VSTM2L: variants seen among roughly 807,000 people sequenced by gnomAD.
The protein encoded by VSTM2L is V-set and transmembrane domain containing 2 like.
VSTM2L carries 9 observed loss-of-function variants against 19.9 expected under a neutral mutation model. The ratio of observed to expected loss-of-function variants is 0.45; its 90% CI spans 0.27 to 0.79. The LOEUF is 0.79. Among genes scored for constraint, VSTM2L ranks in the 30% least tolerant of loss-of-function variants. The pLI, the probability that VSTM2L is intolerant of heterozygous loss-of-function variation, is 0.15. For synonymous variants in VSTM2L, 127 were observed against 133.8 expected (o/e 0.95, Z 0.35); for missense variants, 286 against 295.5 (o/e 0.97, Z 0.24).
rs1332852397 is a variant in VSTM2L, at chr20:37,944,820, G to A, written c.*567G>A. 6 of 986,046 alleles carry A rather than the reference G, an allele frequency of 6.1e-6. No homozygotes were observed. The highest frequency in any genetic ancestry group is 1.7e-5 in the African/African-American group (1 of 57,346). 61.1% of individuals were successfully genotyped at this position (986,046 alleles called of 1,614,324 possible). A position where few individuals can be genotyped will look rare whatever the true frequency, so the allele number is the denominator to read the frequency against. ...ACTCATGGAGGCCTAGGGGAACAGC[G>A]AGATGCCCCACCACCTCCTGGCGAG... On this transcript the variant is annotated 3_prime_UTR_variant, in exon 4 of 4. Coordinates refer to ENST00000373461, the MANE Select transcript of VSTM2L (RefSeq NM_080607.3).
At chr20:37,926,792 G>A (rs1182454877) in intron 1 of VSTM2L, among the ~76,000 whole-genome samples, 1 of 152,200 alleles carries the variant, frequency 6.6e-6, no homozygotes, top group Non-Finnish European at 1.5e-5. Flanking sequence ...TCTGAGCCAT[G>A]CGGACATGTG....
chr20:37,922,442 T>C (rs1008765710), intron 1 of VSTM2L, among the ~76,000 whole-genome samples: 6 of 152,158 alleles, frequency 3.9e-5, no homozygotes, highest in African/African-American at 1.4e-4. Context: ...CATCACAGTG[T>C]GATCTAGTGA....
chr20:37,913,811 G>A (rs2072793928), intron 1 of VSTM2L, among the ~76,000 whole-genome samples: 1 of 152,208 alleles, frequency 6.6e-6, no homozygotes, highest in African/African-American at 2.4e-5. Context: ...GGCTGCAGCT[G>A]GAACCTCCAA....
chr20:37,939,277 G>A (rs1215306170), intron 3 of VSTM2L, among the ~76,000 whole-genome samples: 7 of 152,056 alleles, frequency 4.6e-5, no homozygotes, highest in South Asian at 2.1e-4. Context: ...GTGGTGGTGC[G>A]CACCTGTGGC....
At chr20:37,929,754 G>A (rs753998134) in intron 1 of VSTM2L, among the ~76,000 whole-genome samples, 1 of 152,042 alleles carries the variant, frequency 6.6e-6, no homozygotes, top group Non-Finnish European at 1.5e-5. Flanking sequence ...TGGAGGTGTC[G>A]GGAGGCAGGA....
At chr20:37,925,476 A>G (rs1417979845) in intron 1 of VSTM2L, among the ~76,000 whole-genome samples, 1 of 152,082 alleles carries the variant, frequency 6.6e-6, no homozygotes, top group Non-Finnish European at 1.5e-5. Flanking sequence ...CTCCCAGTCC[A>G]ATGCTCCCGG....
intron 1 of VSTM2L, among the ~76,000 whole-genome samples, chr20:37,925,804 G>A (rs577858271): frequency 6.6e-6 from 1 of 152,136 alleles, no homozygotes; most frequent in South Asian, 2.1e-4. Context: ...CAGCTAACTC[G>A]CTTGGCTCCC....
Position 37,944,433 on chromosome 20 carries a change from C to CCCCCCCG in VSTM2L, c.*180_*181insCCCCCCG. Reference sequence around the variant, plus strand: ...CTCAGCATGTAAGCCCCACCCACCCCTGCCCTTTCAGACCCCTGCGGTGAC... The same window carrying CCCCCCCG: ...CTCAGCATGTAAGCCCCACCCACCCCCCCCCCGTGCCCTTTCAGACCCCTGCGGTGAC... On this transcript the variant is annotated 3_prime_UTR_variant, in exon 4 of 4. Coordinates refer to ENST00000373461, the MANE Select transcript of VSTM2L (RefSeq NM_080607.3). The CCCCCCCG allele has an allele frequency of 8.4e-7, 1 of 1,189,382 alleles. No homozygotes were observed. The highest frequency in any genetic ancestry group is 1.1e-6 in the Non-Finnish European group (1 of 919,214). The allele number at this position is 1,189,382 out of a possible 1,614,324, so 73.7% of individuals were successfully genotyped here. A position where few individuals can be genotyped will look rare whatever the true frequency, so the allele number is the denominator to read the frequency against.
intron 1 of VSTM2L, among the ~76,000 whole-genome samples, chr20:37,926,808 G>A (rs999399698): frequency 4.6e-5 from 7 of 152,192 alleles, no homozygotes; most frequent in Non-Finnish European, 5.9e-5. Flanking sequence ...ATGTGATGGG[G>A]GGACCTGAAG....
chr20:37,944,916 C>T lies in VSTM2L; in HGVS notation c.*663C>T, dbSNP rs992043371. ...ATCCAGGATTCTCTGCCCTGTCACA[C>T]GGCGAGTCAGAAGGGAGGGGCCTTT... On this transcript the variant is annotated 3_prime_UTR_variant, in exon 4 of 4. Transcript: ENST00000373461. 28 of 985,760 alleles carry T rather than the reference C, an allele frequency of 2.8e-5. No individual in the cohort carries two copies. The highest frequency in any genetic ancestry group is 9.4e-5 in the South Asian group (2 of 21,282). The allele number at this position is 985,760 out of a possible 1,614,324, so 61.1% of individuals were successfully genotyped here. A position where few individuals can be genotyped will look rare whatever the true frequency, so the allele number is the denominator to read the frequency against.
In VSTM2L at chr20:37,914,917, G is replaced by C. The variant is rs367691311; in HGVS notation, c.121+11446G>C. Among the ~76,000 whole-genome samples the C allele has an allele frequency of 4.6e-5, 7 of 152,312 alleles. No individual in the cohort carries two copies. The East Asian group carries it at 1.2e-3, about 25-fold the overall frequency. On this transcript the variant is annotated intron_variant, in intron 1 of 3. Coordinates refer to ENST00000373461, the MANE Select transcript of VSTM2L (RefSeq NM_080607.3). ...CTCCTTCCTCAGAGCCCCCAGGCTG[G>C]GGCCCGAGGTGGGGAAGGCGGAGAG...
chr20:37,923,286 G>A (rs558939165), intron 1 of VSTM2L, among the ~76,000 whole-genome samples: 1 of 152,290 alleles, frequency 6.6e-6, no homozygotes, highest in South Asian at 2.1e-4. Context: ...TCAAACGGCA[G>A]GCCAGGTCCT....
At position 37,944,861 on chromosome 20, in the gene VSTM2L, T is replaced by A. The variant is rs1003865816; in HGVS notation, c.*608T>A. The stretch of plus-strand genomic sequence containing the variant: ...TCCTGGCGAGTCCTTCCTGTTCAGC[T>A]CCCTGTGCGACCCTCCAGGGATGCA... On this transcript the variant is annotated 3_prime_UTR_variant, in exon 4 of 4. Coordinates refer to ENST00000373461, the MANE Select transcript of VSTM2L (RefSeq NM_080607.3). 1.0e-6 allele frequency: 1 copy of A among 985,930 alleles called. No individual in the cohort carries two copies. Among genetic ancestry groups the A allele is most frequent in the Non-Finnish European group, 1.2e-6 (1 of 830,052 alleles). The allele number at this position is 985,930 out of a possible 1,614,324, so 61.1% of individuals were successfully genotyped here.
intron 1 of VSTM2L, 42 bp downstream of exon 1, chr20:37,903,513 C>T (rs1020600199): frequency 1.4e-6 from 2 of 1,426,132 alleles, no homozygotes; most frequent in Admixed American, 2.8e-5. Flanking sequence ...CCACCAAACC[C>T]CAACCCGGGC....
chr20:37,944,049 A>C lies in VSTM2L; in HGVS notation c.411A>C (p.Glu137Asp), dbSNP rs1196668121. The change falls in exon 4 of 4, where the codon GAA becomes GAC. Residue 137 changes from glutamate to aspartate, a missense_variant. Coordinates refer to ENST00000373461, the MANE Select transcript of VSTM2L (RefSeq NM_080607.3). Reference protein sequence around the residue: ...LRLSRVKPTDEGTYECRVIDF... With the variant: ...LRLSRVKPTDDGTYECRVIDF... The stretch of plus-strand genomic sequence containing the variant: ...TGTCCCGGGTGAAGCCCACGGACGA[A>C]GGCACCTACGAGTGCCGCGTCATCG... 1 of 1,611,200 alleles carries C rather than the reference A, an allele frequency of 6.2e-7. No individual in the cohort carries two copies. Among genetic ancestry groups the C allele is most frequent in the Non-Finnish European group, 8.5e-7 (1 of 1,177,948 alleles).
rs902153260 is a variant in VSTM2L at position 37,926,149 on chromosome 20, C to T, written c.122-5486C>T. 3.9e-5 allele frequency among the ~76,000 whole-genome samples: 6 copies of T among 152,290 alleles called. No individual in the cohort carries two copies. The East Asian group carries it at 1.2e-3, about 29-fold the overall frequency. ...CAATCTCAGCTCACTGCAACCTCCG[C>T]CTCCCAGATTCAAGCAATTCTCCTG... On this transcript the variant is annotated intron_variant, in intron 1 of 3. Transcript: ENST00000373461.
chr20:37,939,603 G>C (rs1284406326), intron 3 of VSTM2L, among the ~76,000 whole-genome samples: 2 of 152,072 alleles, frequency 1.3e-5, no homozygotes, highest in Non-Finnish European at 2.9e-5. Context: ...ATGGACCACA[G>C]GGACTGGGAG....
rs567978697 is a variant in VSTM2L at position 37,944,882 on chromosome 20, A to G, written c.*629A>G. 7.2e-4 allele frequency: 706 copies of G among 985,784 alleles called. 1 individual carries two copies. The highest frequency in any genetic ancestry group is 8.3e-4 in the Non-Finnish European group (685 of 830,042). 61.1% of individuals were successfully genotyped at this position (985,784 alleles called of 1,614,324 possible). A position where few individuals can be genotyped will look rare whatever the true frequency, so the allele number is the denominator to read the frequency against. On this transcript the variant is annotated 3_prime_UTR_variant, in exon 4 of 4. Transcript: ENST00000373461. ...CAGCTCCCTGTGCGACCCTCCAGGG[A>G]TGCAGGGGATCCAGGATTCTCTGCC... is the stretch of plus-strand genomic sequence containing the variant.
In VSTM2L at chr20:37,915,302, T is replaced by C. The variant is rs142680126; in HGVS notation, c.121+11831T>C. Among the ~76,000 whole-genome samples the C allele has an allele frequency of 4.4e-3, 666 of 152,272 alleles. 6 individuals carry two copies. Among genetic ancestry groups the C allele is most frequent in the Non-Finnish European group, 6.7e-3 (459 of 68,008 alleles). On this transcript the variant is annotated intron_variant, in intron 1 of 3. Transcript: ENST00000373461. ...CCCACCCGCGCTGCTGCCTTCTTGC[T>C]CTGTGCTCTTGGCCTGTGAAATTCC...
Sources: allele counts gnomAD v4.1 joint callset (sites outside exome capture counted in the v4.1 genomes callset), GRCh38; gene constraint gnomAD v4.1.1; transcripts MANE v1.5; gene names NCBI Gene and HGNC (gene_info 2026-07-23, HGNC 2026-07-21).